ANKS1B: variants seen among roughly 807,000 people sequenced by gnomAD.
ANKS1B encodes the protein ankyrin repeat and sterile alpha motif domain containing 1B, also known as ankyrin repeat and sterile alpha motif domain-containing protein 1B.
ANKS1B carries 36 observed loss-of-function variants against 148.3 expected under a neutral mutation model. The ratio of observed to expected loss-of-function variants is 0.24; its 90% CI spans 0.19 to 0.32. The LOEUF is 0.32. Among genes scored for constraint, ANKS1B ranks in the 10% least tolerant of loss-of-function variants. ANKS1B has a pLI of 1.00. For missense variants in ANKS1B, 1,157 were observed against 1,542.6 expected (o/e 0.75, Z 4.19); for synonymous variants, 542 against 560.8 (o/e 0.97, Z 0.47).
chr12:99,665,248 C>T (rs1326242298), intron 8 of ANKS1B, among the ~76,000 whole-genome samples: 1 of 152,168 alleles, frequency 6.6e-6, no homozygotes, highest in Non-Finnish European at 1.5e-5. Flanking sequence ...CGGAGAGTTT[C>T]GGTAGCTCCA....
rs1416431728 is a variant in ANKS1B, at chr12:99,244,331, G to A, written c.2419+11C>T. The A allele has an allele frequency of 1.9e-6, 3 of 1,586,422 alleles. No homozygotes were observed. The highest frequency in any genetic ancestry group is 1.1e-5 in the South Asian group (1 of 88,698). ...ATTTATTCATTATAATGTAGAGGAAGGTTGCCTTACTTGTGGTCTCACCAT... is the reference window on the plus strand; with the variant it reads ...ATTTATTCATTATAATGTAGAGGAAAGTTGCCTTACTTGTGGTCTCACCAT... On this transcript the variant is annotated intron_variant, in intron 14 of 26. Coordinates refer to ENST00000683438, the MANE Select transcript of ANKS1B (RefSeq NM_001352186.2).
chr12:99,472,085 AACCTAAC>A (rs1325510810), intron 10 of ANKS1B, among the ~76,000 whole-genome samples: 1 of 152,138 alleles, frequency 6.6e-6, no homozygotes, highest in Non-Finnish European at 1.5e-5. Flanking sequence ...TAATTACATA[AACCTAAC>A]CACCACAGTA....
intron 8 of ANKS1B, among the ~76,000 whole-genome samples, chr12:99,768,368 T>G (rs1359567144): frequency 6.6e-6 from 1 of 152,130 alleles, no homozygotes; most frequent in Non-Finnish European, 1.5e-5. Flanking sequence ...CAGTTTGGAT[T>G]TTCCTTGATG....
At chr12:99,761,248 C>T (rs1255214421) in intron 8 of ANKS1B, among the ~76,000 whole-genome samples, 1 of 151,292 alleles carries the variant, frequency 6.6e-6, no homozygotes, top group Non-Finnish European at 1.5e-5. Flanking sequence ...CACACACACA[C>T]ACACACAAAA....
chr12:99,482,847 G>A (rs1247913591), intron 10 of ANKS1B, among the ~76,000 whole-genome samples: 2 of 151,948 alleles, frequency 1.3e-5, no homozygotes, highest in Admixed American at 6.6e-5. Flanking sequence ...ATGGATTTGT[G>A]TACACTGATT....
chr12:99,940,256 T>C (rs1434167413), intron 1 of ANKS1B, among the ~76,000 whole-genome samples: 1 of 152,142 alleles, frequency 6.6e-6, no homozygotes, highest in Non-Finnish European at 1.5e-5. Context: ...AACATCTGGG[T>C]CAGTTCTATG....
intron 8 of ANKS1B, among the ~76,000 whole-genome samples, chr12:99,710,838 G>A (rs1500665): frequency 0.66 from 100,706 of 151,982 alleles, 33,476 homozygotes; most frequent in Non-Finnish European, 0.69. Context: ...TCCCTCAGGG[G>A]AGCATATAAT....
chr12:99,471,084 T>G (rs2096234619), intron 10 of ANKS1B, among the ~76,000 whole-genome samples: 2 of 152,080 alleles, frequency 1.3e-5, no homozygotes, highest in African/African-American at 4.8e-5. Context: ...TTGAACTGTT[T>G]CAGGATTTTC....
At chr12:99,826,920 T>G (rs2083263532) in intron 1 of ANKS1B, among the ~76,000 whole-genome samples, 1 of 151,930 alleles carries the variant, frequency 6.6e-6, no homozygotes, top group East Asian at 1.9e-4. Context: ...AGACCAGCCT[T>G]GGCAACATAA....
At chr12:99,474,866 A>G (rs982641896) in intron 10 of ANKS1B, among the ~76,000 whole-genome samples, 6 of 152,078 alleles carry the variant, frequency 3.9e-5, no homozygotes, top group African/African-American at 1.4e-4. Flanking sequence ...TTAAATAATT[A>G]CTATAAATAT....
intron 2 of ANKS1B, among the ~76,000 whole-genome samples, chr12:99,817,534 G>A (rs2082025979): frequency 1.3e-5 from 2 of 151,524 alleles, no homozygotes; most frequent in Non-Finnish European, 3.0e-5. Flanking sequence ...GTACCCAGCA[G>A]GGGCATTGTG....
At chr12:99,543,312 T>C (rs1166156353) in intron 9 of ANKS1B, among the ~76,000 whole-genome samples, 1 of 151,992 alleles carries the variant, frequency 6.6e-6, no homozygotes, top group African/African-American at 2.4e-5. Flanking sequence ...TAAAAAAGAC[T>C]AACAATAGCA....
At chr12:99,562,617 A>G (rs2097348426) in intron 9 of ANKS1B, among the ~76,000 whole-genome samples, 2 of 152,170 alleles carry the variant, frequency 1.3e-5, no homozygotes, top group Admixed American at 1.3e-4. Flanking sequence ...ATCATGGTGG[A>G]AGGGGAAGCA....
At position 98,931,858 on chromosome 12, in the gene ANKS1B, G is replaced by C. The variant is rs563756056; in HGVS notation, c.2779-99722C>G. On this transcript the variant is annotated intron_variant, in intron 17 of 26. Transcript: ENST00000683438. ...ATTTTTTAATGGAAAGCCTAAGGAG[G>C]CACTTTTTCCTGAAAGAGATTGGTG... 3 of 152,170 alleles carry C rather than the reference G, an allele frequency of 2.0e-5. No individual in the cohort carries two copies. The South Asian group carries it at 6.2e-4, about 32-fold the overall frequency. 9.4% of individuals were successfully genotyped at this position (152,170 alleles called of 1,614,324 possible). A position where few individuals can be genotyped will look rare whatever the true frequency, so the allele number is the denominator to read the frequency against.
At chr12:99,752,620 ATTT>A (rs1033160250) in intron 8 of ANKS1B, among the ~76,000 whole-genome samples, 12 of 151,956 alleles carry the variant, frequency 7.9e-5, no homozygotes, top group African/African-American at 2.9e-4. Flanking sequence ...TTATGTTTAT[ATTT>A]TTATGTTTTG....
At chr12:99,416,807 C>T (rs182381879) in intron 11 of ANKS1B, among the ~76,000 whole-genome samples, 230 of 152,272 alleles carry the variant, frequency 1.5e-3, no homozygotes, top group African/African-American at 5.1e-3. Context: ...TTCTCATCTT[C>T]TTAATAGGGT....
chr12:99,450,723 TTCTC>T (rs1204205487), intron 10 of ANKS1B, among the ~76,000 whole-genome samples: 1 of 152,214 alleles, frequency 6.6e-6, no homozygotes, highest in African/African-American at 2.4e-5. Flanking sequence ...AAAGTCATAT[TTCTC>T]TCTATATAGC....
Position 99,935,223 on chromosome 12 carries a change from CA to C in ANKS1B, c.134+48880del, listed in dbSNP as rs1397968835. 2.6e-5 allele frequency among the ~76,000 whole-genome samples: 4 copies of C among 151,884 alleles called. No individual in the cohort carries two copies. In the East Asian group the frequency reaches 7.7e-4, roughly 29 times the overall value. On this transcript the variant is annotated intron_variant, in intron 1 of 26. Coordinates refer to ENST00000683438, the MANE Select transcript of ANKS1B (RefSeq NM_001352186.2). ...ATGGATGGGTAGAATAGATATATAA[CA>C]AAAATCATTCCAGGGAAGAGAACAC...
At chr12:99,059,754 A>G (rs2041695476) in intron 16 of ANKS1B, among the ~76,000 whole-genome samples, 1 of 139,834 alleles carries the variant, frequency 7.2e-6, no homozygotes, top group African/African-American at 2.6e-5. Flanking sequence ...TTACCCAGGA[A>G]AGAAAAAATA....
Sources: gnomAD v4.1 joint callset for allele counts (sites outside exome capture counted in the v4.1 genomes callset) on GRCh38, gnomAD v4.1.1 for gene constraint, MANE v1.5 for transcripts, NCBI Gene and HGNC (gene_info 2026-07-23, HGNC 2026-07-21) for gene names.